NBAS: variants seen among roughly 807,000 people sequenced by gnomAD.
NBAS encodes the protein NAG/BC035112 fusion.
Under a neutral mutation model 302.5 loss-of-function variants are expected in NBAS, and 219 were observed. That is an observed-to-expected ratio of 0.72 (90% CI 0.65 to 0.81). The LOEUF (loss-of-function observed/expected upper bound fraction) is 0.81. Ranked by LOEUF, NBAS falls within the 30% of genes least tolerant of loss-of-function variation. NBAS has a pLI of 0.00. For missense variants in NBAS, 2,932 were observed against 2,841.6 expected, an observed-to-expected ratio of 1.03 and a Z score of -0.72; for synonymous variants, 1,118 against 1,021.6, an observed-to-expected ratio of 1.09 and a Z score of -1.80.
chr2:15,048,223 G>C, the NBAS span, among the ~76,000 whole-genome samples: 1 of 152,256 alleles, frequency 6.6e-6, no homozygotes, highest in South Asian at 2.1e-4. Context: ...GGGACAGCAA[G>C]GCTGGGGAGG....
the NBAS span, among the ~76,000 whole-genome samples, chr2:14,970,722 C>G: frequency 6.6e-6 from 1 of 152,222 alleles, no homozygotes; most frequent in African/African-American, 2.4e-5. Context: ...GTGAAGACCT[C>G]TGCTAGGAGG....
the NBAS span, among the ~76,000 whole-genome samples, chr2:14,803,039 T>TA: frequency 1.6e-4 from 24 of 151,756 alleles, no homozygotes; most frequent in African/African-American, 2.7e-4. Context: ...TAAAGTATAA[T>TA]AAAAAAAATA....
intron 50 of NBAS, 121 bp downstream of exon 50, chr2:15,186,621 C>G (rs972535756): frequency 9.2e-6 from 13 of 1,416,724 alleles, no homozygotes; most frequent in African/African-American, 2.8e-5. Context: ...GAAATTATGG[C>G]CTTTACCAGT....
At chr2:15,493,651 A>G (rs1259654148) in intron 11 of NBAS, among the ~76,000 whole-genome samples, 2 of 151,712 alleles carry the variant, frequency 1.3e-5, no homozygotes, top group African/African-American at 2.4e-5. Flanking sequence ...TGGGCAACAC[A>G]GCAAGACTCT....
At chr2:15,116,223 G>A in the NBAS span, among the ~76,000 whole-genome samples, 1 of 152,130 alleles carries the variant, frequency 6.6e-6, no homozygotes. Context: ...GAGTTCAAAA[G>A]GAAATTTTAT....
At chr2:15,430,712 A>G (rs1057244271) in intron 21 of NBAS, among the ~76,000 whole-genome samples, 1 of 152,222 alleles carries the variant, frequency 6.6e-6, no homozygotes, top group Admixed American at 6.5e-5. Flanking sequence ...GAAAGGACAT[A>G]GGGACTATAG....
the NBAS span, among the ~76,000 whole-genome samples, chr2:15,036,010 T>TCC: frequency 1.4e-4 from 1 of 7,062 alleles, no homozygotes; most frequent in African/African-American, 2.2e-3. Flanking sequence ...GAACTTAAAA[T>TCC]AAAGTATGCA....
At chr2:15,291,223 A>C (rs532824435) in intron 41 of NBAS, among the ~76,000 whole-genome samples, 1 of 152,360 alleles carries the variant, frequency 6.6e-6, no homozygotes, top group Non-Finnish European at 1.5e-5. Flanking sequence ...GGATGGATCC[A>C]GGCTAAAATC....
chr2:15,102,393 A>G, the NBAS span, among the ~76,000 whole-genome samples: 1 of 152,202 alleles, frequency 6.6e-6, no homozygotes, highest in Non-Finnish European at 1.5e-5. Context: ...CCTCATCCCA[A>G]TTAGGCAATG....
chr2:15,444,788 G>A (rs1343287979), intron 21 of NBAS, among the ~76,000 whole-genome samples: 2 of 151,900 alleles, frequency 1.3e-5, no homozygotes, highest in African/African-American at 4.8e-5. Context: ...AATCTACAAT[G>A]AACTCAAACA....
the NBAS span, among the ~76,000 whole-genome samples, chr2:15,076,504 T>C: frequency 1.3e-5 from 2 of 152,208 alleles, no homozygotes; most frequent in African/African-American, 4.8e-5. Context: ...GGACTGGGAC[T>C]TGGCGACAGA....
At chr2:14,786,207 T>C in the NBAS span, among the ~76,000 whole-genome samples, 2 of 152,144 alleles carry the variant, frequency 1.3e-5, no homozygotes, top group Non-Finnish European at 2.9e-5. Context: ...TTGATTCTTC[T>C]CTCTTTTCTT....
chr2:15,105,667 T>C, the NBAS span, among the ~76,000 whole-genome samples: 1 of 152,100 alleles, frequency 6.6e-6, no homozygotes, highest in African/African-American at 2.4e-5. Flanking sequence ...AAGTGAAATA[T>C]TTCCTAGGTC....
intron 44 of NBAS, among the ~76,000 whole-genome samples, chr2:15,239,968 T>A (rs954510094): frequency 1.3e-5 from 2 of 152,166 alleles, no homozygotes; most frequent in African/African-American, 4.8e-5. Context: ...TTGTGCTTTG[T>A]TGATGGAGGA....
the NBAS span, among the ~76,000 whole-genome samples, chr2:15,038,597 A>G: frequency 6.6e-6 from 1 of 152,162 alleles, no homozygotes; most frequent in Non-Finnish European, 1.5e-5. Flanking sequence ...CAGACATGTC[A>G]TATTGTTTTA....
chr2:15,464,024 C>T (rs2148565456), intron 19 of NBAS, among the ~76,000 whole-genome samples: 1 of 152,176 alleles, frequency 6.6e-6, no homozygotes, highest in Admixed American at 6.5e-5. Context: ...AAAAGACACA[C>T]AACTGGCGCA....
chr2:15,178,953 A>C (rs778680998), intron 51 of NBAS, 35 bp downstream of exon 51: 117 of 1,613,372 alleles, frequency 7.3e-5, no homozygotes, highest in Non-Finnish European at 9.7e-5. Flanking sequence ...CATTAAAAAA[A>C]AAAAAAGAAA....
At chr2:15,330,791 G>C (rs1226319389) in intron 35 of NBAS, 26 bp from the exon 36 acceptor site, 2 of 1,610,088 alleles carry the variant, frequency 1.2e-6, no homozygotes, top group South Asian at 1.1e-5. Context: ...AAAATAGCAA[G>C]GGCAAAAATG....
the NBAS span, among the ~76,000 whole-genome samples, chr2:15,016,505 C>T: frequency 6.6e-6 from 1 of 152,138 alleles, no homozygotes; most frequent in Non-Finnish European, 1.5e-5. Context: ...ATGCCATGCT[C>T]ATGGATTGGA....
Sources: allele counts gnomAD v4.1 joint callset (sites outside exome capture counted in the v4.1 genomes callset), GRCh38; gene constraint gnomAD v4.1.1; transcripts MANE v1.5; gene names NCBI Gene and HGNC (gene_info 2026-07-23, HGNC 2026-07-21).